SCIMP: variants seen among roughly 807,000 people sequenced by gnomAD.
SCIMP encodes SLP adapter and CSK-interacting membrane protein.
A neutral mutation model predicts 22.0 loss-of-function variants in SCIMP; 18 were observed. The observed-to-expected ratio is 0.82, with a 90% CI of 0.56 to 1.21. The LOEUF is 1.21. SCIMP is among the 50% of genes most tolerant of loss of function. The probability of loss-of-function intolerance (pLI) is 0.00; values close to 1 mark genes in which losing one functional copy is unlikely to be tolerated. For synonymous variants in SCIMP, 53 were observed against 62.2 expected, an observed-to-expected ratio of 0.85 and a Z score of 0.70; for missense variants, 155 against 171.2, an observed-to-expected ratio of 0.91 and a Z score of 0.53.
At chr17:5,234,194 C>A (rs972336722) in intron 1 of SCIMP, among the ~76,000 whole-genome samples, 5 of 152,104 alleles carry the variant, frequency 3.3e-5, no homozygotes, top group Non-Finnish European at 7.4e-5. Context: ...TCGCTTGAAC[C>A]CGGGAGGCGG....
At chr17:5,232,061 C>A (rs1042374135) in intron 1 of SCIMP, among the ~76,000 whole-genome samples, 35 of 148,068 alleles carry the variant, frequency 2.4e-4, no homozygotes, top group South Asian at 2.0e-3. Context: ...GTCTCAAAAA[C>A]AAAAAAAAAA....
chr17:5,214,735 G>T, intron 4 of SCIMP, 190 bp downstream of exon 4: 1 of 525,564 alleles, frequency 1.9e-6, no homozygotes, highest in African/African-American at 2.0e-5. Context: ...AGCTACTCCG[G>T]AGGCTGAGGT....
At chr17:5,231,989 G>A (rs2074699934) in intron 1 of SCIMP, among the ~76,000 whole-genome samples, 1 of 152,106 alleles carries the variant, frequency 6.6e-6, no homozygotes, top group South Asian at 2.1e-4. Context: ...CCGGGAGGCG[G>A]AGCTTGCAGT....
At chr17:5,226,563 T>C (rs1391564909) in intron 1 of SCIMP, among the ~76,000 whole-genome samples, 2 of 149,828 alleles carry the variant, frequency 1.3e-5, no homozygotes, top group African/African-American at 2.4e-5. Flanking sequence ...TGGAGTGCGA[T>C]GGCGTGATCT....
chr17:5,232,733 T>C lies in SCIMP; in HGVS notation c.21+2002A>G, dbSNP rs546746956. 5.9e-5 allele frequency among the ~76,000 whole-genome samples: 9 copies of C among 151,550 alleles called. No homozygotes were observed. In the South Asian group the frequency reaches 1.9e-3, roughly 32 times the overall value. The stretch of plus-strand genomic sequence containing the variant: ...TCTTCTTCTTTTTTTTTTTTTGAGA[T>C]GGCGTCTTGCTCTGTCACCCAGGCT... On this transcript the variant is annotated intron_variant, in intron 1 of 4. Transcript: ENST00000574081.
intron 2 of SCIMP, among the ~76,000 whole-genome samples, chr17:5,221,890 A>G (rs1353635755): frequency 6.6e-6 from 1 of 152,052 alleles, no homozygotes; most frequent in Non-Finnish European, 1.5e-5. Context: ...CTCCTGCCTC[A>G]GCCTCCTGAG....
chr17:5,210,604 TCTC>T lies in SCIMP; in HGVS notation c.*194_*196del. The T allele has an allele frequency of 1.6e-6, 1 of 637,572 alleles. No homozygotes were observed. The highest frequency in any genetic ancestry group is 3.2e-5 in the East Asian group (1 of 31,568). The allele number at this position is 637,572 out of a possible 1,614,324, so 39.5% of individuals were successfully genotyped here. On this transcript the variant is annotated 3_prime_UTR_variant, in exon 5 of 5. Transcript: ENST00000574081. Reference sequence around the variant, plus strand: ...GTCCTCAGAGCCGAGCACCCATGTGTCTCCTCTGGCTGCAGTCATCCGATCGCA... The same window carrying T: ...GTCCTCAGAGCCGAGCACCCATGTGTCTCTGGCTGCAGTCATCCGATCGCA...
At chr17:5,227,350 C>T (rs142362092) in intron 1 of SCIMP, among the ~76,000 whole-genome samples, 1 of 151,154 alleles carries the variant, frequency 6.6e-6, no homozygotes, top group African/African-American at 2.4e-5. Context: ...GGTGTGGCGG[C>T]ATGTGCCTAT....
At chr17:5,231,097 C>T (rs535491995) in intron 1 of SCIMP, among the ~76,000 whole-genome samples, 11 of 152,212 alleles carry the variant, frequency 7.2e-5, no homozygotes, top group East Asian at 3.9e-4. Flanking sequence ...CGGTGGCTCA[C>T]GCCTGTAATC....
At chr17:5,215,110 G>A in intron 3 of SCIMP, 112 bp from the exon 4 acceptor site, 1 of 728,570 alleles carries the variant, frequency 1.4e-6, no homozygotes, top group Non-Finnish European at 2.5e-6. Context: ...TCAAATCTTG[G>A]TCTCTACTAA....
intron 3 of SCIMP, among the ~76,000 whole-genome samples, chr17:5,220,441 A>G (rs1323016276): frequency 6.6e-6 from 1 of 150,804 alleles, no homozygotes; most frequent in Non-Finnish European, 1.5e-5. Flanking sequence ...CCAAAAAAAA[A>G]AAAAAAAAAA....
chr17:5,224,436 C>T (rs1701476296), intron 1 of SCIMP, among the ~76,000 whole-genome samples: 2 of 118,194 alleles, frequency 1.7e-5, no homozygotes, highest in Non-Finnish European at 3.6e-5. Context: ...TGCACCAGGC[C>T]AGTTTTTTTG....
At chr17:5,230,113 C>A (rs1237646012) in intron 1 of SCIMP, among the ~76,000 whole-genome samples, 2 of 152,268 alleles carry the variant, frequency 1.3e-5, no homozygotes, top group South Asian at 4.1e-4. Context: ...AGGCATGAGC[C>A]ACTGCACCTG....
intron 1 of SCIMP, among the ~76,000 whole-genome samples, chr17:5,227,946 A>T (rs1213097554): frequency 6.6e-6 from 1 of 152,128 alleles, no homozygotes; most frequent in Non-Finnish European, 1.5e-5. Context: ...AGGCCGAGGC[A>T]GGCAGATCAT....
chr17:5,228,332 C>A lies in SCIMP; in HGVS notation c.22-4876G>T, dbSNP rs188315118. ...CTGCACTGCAGCCTGGGTGACAGAG[C>A]CAAATCTTGTCTCAAAAAAAAAAAA... On this transcript the variant is annotated intron_variant, in intron 1 of 4. Coordinates refer to ENST00000574081, the MANE Select transcript of SCIMP (RefSeq NM_207103.3). Among the ~76,000 whole-genome samples the A allele has an allele frequency of 6.5e-3, 786 of 121,066 alleles. 5 individuals carry two copies. Among genetic ancestry groups the A allele is most frequent in the African/African-American group, 0.024 (727 of 30,884 alleles). The allele number at this position is 121,066 out of a possible 152,430, so 79.4% of individuals were successfully genotyped here. A position where few individuals can be genotyped will look rare whatever the true frequency, so the allele number is the denominator to read the frequency against.
chr17:5,215,506 C>T (rs925197304), intron 3 of SCIMP, among the ~76,000 whole-genome samples: 2 of 152,052 alleles, frequency 1.3e-5, no homozygotes, highest in Non-Finnish European at 2.9e-5. Flanking sequence ...CCCACCTATT[C>T]GGGAGGCTGA....
chr17:5,216,516 A>G (rs1343049757), intron 3 of SCIMP, among the ~76,000 whole-genome samples: 1 of 152,040 alleles, frequency 6.6e-6, no homozygotes. Flanking sequence ...AAATACAAAA[A>G]TTAGCCAGGT....
intron 1 of SCIMP, among the ~76,000 whole-genome samples, chr17:5,231,581 G>A (rs913094999): frequency 6.6e-6 from 1 of 152,040 alleles, no homozygotes; most frequent in African/African-American, 2.4e-5. Flanking sequence ...GCTTGACTAG[G>A]CTTGCACAGA....
intron 4 of SCIMP, chr17:5,214,681 A>C: frequency 2.3e-6 from 1 of 438,752 alleles, no homozygotes; most frequent in South Asian, 4.1e-5. Context: ...TCTACTAAAA[A>C]TACAAAAAAT....
Sources: gnomAD v4.1 joint callset for allele counts (sites outside exome capture counted in the v4.1 genomes callset) on GRCh38, gnomAD v4.1.1 for gene constraint, MANE v1.5 for transcripts, NCBI Gene and HGNC (gene_info 2026-07-23, HGNC 2026-07-21) for gene names.